Variants in ZPBP observed in about 807,000 individuals in gnomAD.
The protein encoded by ZPBP is zona pellucida-binding protein 1.
Under a neutral mutation model 44.8 loss-of-function variants are expected in ZPBP, and 26 were observed. The ratio of observed to expected loss-of-function variants is 0.58; its 90% CI spans 0.43 to 0.81. The LOEUF is 0.81. ZPBP is among the 30% of genes least tolerant of loss of function. ZPBP has a pLI of 0.00. For missense variants in ZPBP, 409 were observed against 434.0 expected, an observed-to-expected ratio of 0.94 and a Z score of 0.51; for synonymous variants, 174 against 153.2, an observed-to-expected ratio of 1.14 and a Z score of -1.00.
intron 7 of ZPBP, among the ~76,000 whole-genome samples, chr7:49,979,940 TATAA>T (rs1022839311): frequency 1.7e-5 from 2 of 114,516 alleles, no homozygotes; most frequent in African/African-American, 6.8e-5. Context: ...TTAGATAATA[TATAA>T]ATATATATTA....
chr7:50,043,697 G>C (rs1800205842), intron 4 of ZPBP, among the ~76,000 whole-genome samples: 1 of 151,026 alleles, frequency 6.6e-6, no homozygotes, highest in Admixed American at 6.6e-5. Context: ...GAGACCTAGA[G>C]ACTCCCACAC....
At chr7:49,855,253 A>G (rs561292364) in intron 2 of ZPBP, among the ~76,000 whole-genome samples, 1 of 152,192 alleles carries the variant, frequency 6.6e-6, no homozygotes, top group East Asian at 1.9e-4. Context: ...TAAATGGTTG[A>G]GGAAAACACT....
intron 2 of ZPBP, among the ~76,000 whole-genome samples, chr7:49,889,917 C>T (rs1043007021): frequency 6.6e-6 from 1 of 152,106 alleles, no homozygotes. Flanking sequence ...GTTTGAGAGA[C>T]AAATATATGT....
At chr7:50,053,126 A>G (rs1361791712) in intron 4 of ZPBP, among the ~76,000 whole-genome samples, 1 of 152,228 alleles carries the variant, frequency 6.6e-6, no homozygotes, top group Non-Finnish European at 1.5e-5. Flanking sequence ...CATATTTTAC[A>G]TATTGTAACA....
At chr7:50,015,711 CA>C (rs1423042490) in intron 6 of ZPBP, among the ~76,000 whole-genome samples, 8 of 151,326 alleles carry the variant, frequency 5.3e-5, no homozygotes, top group Non-Finnish European at 1.2e-4. Flanking sequence ...AAGCAAAATA[CA>C]AACAACCCCA....
chr7:49,867,977 G>C (rs1357863687), intron 2 of ZPBP, among the ~76,000 whole-genome samples: 1 of 152,076 alleles, frequency 6.6e-6, no homozygotes, highest in African/African-American at 2.4e-5. Flanking sequence ...GGGATTACAG[G>C]TGCATACCAC....
intron 3 of ZPBP, among the ~76,000 whole-genome samples, chr7:50,066,876 G>C (rs569539026): frequency 2.0e-5 from 3 of 152,042 alleles, no homozygotes; most frequent in African/African-American, 4.8e-5. Flanking sequence ...AGGACTATTC[G>C]GGTCGGGCGA....
chr7:50,026,811 C>T (rs903703606), intron 5 of ZPBP, among the ~76,000 whole-genome samples: 1 of 151,896 alleles, frequency 6.6e-6, no homozygotes, highest in Non-Finnish European at 1.5e-5. Flanking sequence ...CCCTTCCTAA[C>T]TCTGATTTAC....
In ZPBP at chr7:50,018,256, T is replaced by C. The variant is rs1183477846; in HGVS notation, c.767A>G (p.Tyr256Cys). The change falls in exon 6 of 8, where the codon TAC becomes TGC. Residue 256 changes from tyrosine (Y) to cysteine (C), a missense_variant. Coordinates refer to ENST00000046087, the MANE Select transcript of ZPBP (RefSeq NM_007009.3). ...ATAACATACCTTAAAAAGTCTTTTG[T>C]AAGGTTCACAGTTATGGTCTGTACA... ...KRCTDHNCEP[Y>C]KRLFKAKNLI... is the part of the protein sequence containing the mutation. The C allele has an allele frequency of 1.9e-6, 3 of 1,611,062 alleles. No individual in the cohort carries two copies. Among genetic ancestry groups the C allele is most frequent in the Non-Finnish European group, 2.5e-6 (3 of 1,178,840 alleles).
intron 6 of ZPBP, among the ~76,000 whole-genome samples, chr7:49,992,000 G>C (rs1245281558): frequency 6.6e-6 from 1 of 152,000 alleles, no homozygotes; most frequent in Non-Finnish European, 1.5e-5. Context: ...TAAAACTGAG[G>C]AGAAAACTAC....
At chr7:49,974,777 C>T (rs1189538577) in intron 7 of ZPBP, among the ~76,000 whole-genome samples, 2 of 716 alleles carry the variant, frequency 2.8e-3, no homozygotes, top group African/African-American at 8.1e-3. Context: ...TGAATACGCA[C>T]GTTTCTGTAG....
chr7:49,990,383 C>T (rs1797509903), intron 6 of ZPBP, among the ~76,000 whole-genome samples: 1 of 152,176 alleles, frequency 6.6e-6, no homozygotes, highest in Admixed American at 6.5e-5. Context: ...AGTCACCAGA[C>T]TCAGGGATAC....
intron 2 of ZPBP, among the ~76,000 whole-genome samples, chr7:49,869,852 T>C (rs1791066016): frequency 6.6e-6 from 1 of 152,108 alleles, no homozygotes; most frequent in African/African-American, 2.4e-5. Context: ...GGAAGCTTAC[T>C]AGGTACCCAT....
chr7:49,970,053 G>A (rs1010398893), intron 7 of ZPBP, among the ~76,000 whole-genome samples: 2 of 152,058 alleles, frequency 1.3e-5, no homozygotes, highest in African/African-American at 4.8e-5. Context: ...TAGAGACGGT[G>A]TTTAGCCATG....
rs1454502870 is a variant in ZPBP at position 50,085,124 on chromosome 7, T to G, written c.209-3225A>C. 3.3e-5 allele frequency among the ~76,000 whole-genome samples: 5 copies of G among 152,090 alleles called. No individual in the cohort carries two copies. The East Asian group carries it at 9.6e-4, about 29-fold the overall frequency. On this transcript the variant is annotated intron_variant, in intron 2 of 7. Transcript: ENST00000046087. Reference sequence around the variant, plus strand: ...AGGCTGAGTACAAATCCAATATGACTGATCTCCTTATAAAAAGGGGAAATT... The same window carrying G: ...AGGCTGAGTACAAATCCAATATGACGGATCTCCTTATAAAAAGGGGAAATT...
Position 50,052,671 on chromosome 7 carries a change from T to A in ZPBP, c.487+5318A>T, listed in dbSNP as rs181440277. ...CACAAACGTCCATAGAAGCTTTACA[T>A]GCAACAGCCAAAAACGCAAAGCAAC... On this transcript the variant is annotated intron_variant, in intron 4 of 7. Coordinates refer to ENST00000046087, the MANE Select transcript of ZPBP (RefSeq NM_007009.3). 4.0e-3 allele frequency among the ~76,000 whole-genome samples: 608 copies of A among 152,276 alleles called. 8 individuals carry two copies. The highest frequency in any genetic ancestry group is 0.014 in the African/African-American group (579 of 41,560).
intron 2 of ZPBP, among the ~76,000 whole-genome samples, chr7:49,895,011 T>TA (rs1227427676): frequency 4.6e-5 from 7 of 152,204 alleles, no homozygotes; most frequent in African/African-American, 1.7e-4. Context: ...GCCATTCTGA[T>TA]ACTATATGTC....
intron 6 of ZPBP, among the ~76,000 whole-genome samples, chr7:50,017,377 C>T (rs1054468458): frequency 2.6e-5 from 4 of 152,166 alleles, no homozygotes; most frequent in Non-Finnish European, 5.9e-5. Flanking sequence ...GTAATACAAG[C>T]GATGGGGATG....
intron 2 of ZPBP, among the ~76,000 whole-genome samples, chr7:49,872,228 G>A (rs1008446753): frequency 2.0e-5 from 3 of 152,228 alleles, no homozygotes; most frequent in South Asian, 4.2e-4. Context: ...ATCGCTGGGG[G>A]TGGAGGTGGA....
Sources: gnomAD v4.1 joint callset for allele counts (sites outside exome capture counted in the v4.1 genomes callset) on GRCh38, gnomAD v4.1.1 for gene constraint, MANE v1.5 for transcripts, NCBI Gene and HGNC (gene_info 2026-07-23, HGNC 2026-07-21) for gene names.